The following UNC13B variants were observed in gnomAD, a reference collection of about 807,000 sequenced individuals.
UNC13B encodes protein unc-13 homolog B.
UNC13B carries 144 observed loss-of-function variants against 211.0 expected under a neutral mutation model. That is an observed-to-expected ratio of 0.68 (90% CI 0.60 to 0.78). The LOEUF (loss-of-function observed/expected upper bound fraction) is 0.78, where lower values mean the gene tolerates loss of function less well. Ranked by LOEUF, UNC13B falls within the 30% of genes least tolerant of loss-of-function variation. UNC13B has a pLI of 0.00. For missense variants in UNC13B, 1,777 were observed against 2,002.0 expected (o/e 0.89, Z 2.14); for synonymous variants, 709 against 725.8 (o/e 0.98, Z 0.37).
chr9:35,376,304 A>G (rs1834407484), intron 15 of UNC13B, 57 bp downstream of exon 15: 2 of 1,559,678 alleles, frequency 1.3e-6, no homozygotes, highest in Non-Finnish European at 1.7e-6. Flanking sequence ...TTTCCAAAAT[A>G]GTCTGCAGCA....
At chr9:35,255,195 G>T (rs1302349028) in intron 6 of UNC13B, among the ~76,000 whole-genome samples, 1 of 147,872 alleles carries the variant, frequency 6.8e-6, no homozygotes, top group Non-Finnish European at 1.5e-5. Context: ...AAAGTGCTGG[G>T]ATTACAGGCG....
At chr9:35,289,450 A>T (rs1410373049) in intron 7 of UNC13B, among the ~76,000 whole-genome samples, 2 of 152,152 alleles carry the variant, frequency 1.3e-5, no homozygotes, top group Non-Finnish European at 2.9e-5. Context: ...CTGTAAGGCA[A>T]GCAAAAACCT....
At chr9:35,390,378 C>A (rs959516250) in intron 25 of UNC13B, among the ~76,000 whole-genome samples, 3 of 152,264 alleles carry the variant, frequency 2.0e-5, no homozygotes, top group Non-Finnish European at 2.9e-5. Flanking sequence ...CTCTACCTCT[C>A]AATTCCCTGC....
At chr9:35,180,261 AT>A (rs1004948009) in intron 1 of UNC13B, among the ~76,000 whole-genome samples, 4 of 151,186 alleles carry the variant, frequency 2.6e-5, no homozygotes, top group Admixed American at 6.6e-5. Context: ...GGAGAAATTA[AT>A]TTTTTTTTCA....
intron 11 of UNC13B, among the ~76,000 whole-genome samples, chr9:35,343,962 T>C (rs767719063): frequency 2.6e-5 from 4 of 152,204 alleles, no homozygotes; most frequent in Non-Finnish European, 5.9e-5. Flanking sequence ...AGATAAAATA[T>C]ATTAAAATTA....
chr9:35,223,069 A>G (rs762849601), intron 1 of UNC13B, among the ~76,000 whole-genome samples: 14 of 152,186 alleles, frequency 9.2e-5, no homozygotes, highest in Non-Finnish European at 1.8e-4. Flanking sequence ...TTGTATATAT[A>G]TACCACATTT....
At chr9:35,250,340 T>C (rs775569564) in intron 6 of UNC13B, among the ~76,000 whole-genome samples, 109 of 152,190 alleles carry the variant, frequency 7.2e-4, no homozygotes, top group Non-Finnish European at 3.1e-4. Flanking sequence ...TTCCCTATCC[T>C]CCTCAGCCCT....
At chr9:35,358,675 A>G (rs12342455) in intron 11 of UNC13B, among the ~76,000 whole-genome samples, 11,215 of 140,920 alleles carry the variant, frequency 0.08, 1,469 homozygotes, top group African/African-American at 0.27. Flanking sequence ...TTTTACTCCT[A>G]TATTTAGGTC....
At chr9:35,403,388 A>C in intron 38 of UNC13B, 52 bp from the exon 39 acceptor site, 3 of 1,606,602 alleles carry the variant, frequency 1.9e-6, no homozygotes, top group Non-Finnish European at 2.6e-6. Context: ...CTGGGGTTCA[A>C]GAACTGGGAA....
At chr9:35,317,711 A>G (rs904600391) in intron 11 of UNC13B, among the ~76,000 whole-genome samples, 11 of 121,686 alleles carry the variant, frequency 9.0e-5, no homozygotes. Flanking sequence ...TTTTTTTTTA[A>G]TTTTTAGTAG....
intron 11 of UNC13B, chr9:35,364,406 A>T: frequency 1.2e-6 from 1 of 810,344 alleles, no homozygotes; most frequent in Non-Finnish European, 1.9e-6. Context: ...GGCTCTATGA[A>T]CTGCCTAGTT....
At chr9:35,348,421 TCTC>T (rs1832506375) in intron 11 of UNC13B, among the ~76,000 whole-genome samples, 1 of 152,222 alleles carries the variant, frequency 6.6e-6, no homozygotes. Flanking sequence ...TACTCCTCCT[TCTC>T]CTTACCTTAA....
intron 3 of UNC13B, 116 bp downstream of exon 3, chr9:35,231,335 G>A (rs10972391): frequency 0.15 from 103,746 of 692,118 alleles, 9,125 homozygotes; most frequent in Admixed American, 0.3. Flanking sequence ...AAATGTACTG[G>A]CACTGTTAAA....
chr9:35,314,632 T>G (rs2131878970), intron 11 of UNC13B, among the ~76,000 whole-genome samples: 1 of 152,132 alleles, frequency 6.6e-6, no homozygotes, highest in Non-Finnish European at 1.5e-5. Flanking sequence ...GGGCTTTGGG[T>G]GTAGCCATCA....
chr9:35,181,280 A>C (rs553642534), intron 1 of UNC13B, among the ~76,000 whole-genome samples: 40 of 152,208 alleles, frequency 2.6e-4, no homozygotes, highest in African/African-American at 9.4e-4. Flanking sequence ...TCTATGTTTC[A>C]TGATTTTAAG....
At chr9:35,187,382 C>T (rs1458633887) in intron 1 of UNC13B, among the ~76,000 whole-genome samples, 1 of 152,186 alleles carries the variant, frequency 6.6e-6, no homozygotes, top group African/African-American at 2.4e-5. Context: ...TTCAGGAGAT[C>T]ACCACTTGAT....
chr9:35,162,794 C>G (rs1472101037), intron 1 of UNC13B, among the ~76,000 whole-genome samples: 1 of 152,174 alleles, frequency 6.6e-6, no homozygotes, highest in Non-Finnish European at 1.5e-5. Flanking sequence ...TGAACACTAA[C>G]CGGTAGTATA....
intron 12 of UNC13B, 56 bp from the exon 13 acceptor site, chr9:35,370,262 C>T: frequency 3.3e-6 from 5 of 1,514,614 alleles, no homozygotes; most frequent in Middle Eastern, 3.4e-4. Flanking sequence ...ACACTGAACC[C>T]ACCAGCTAAC....
rs1231118699 is a variant in UNC13B, at chr9:35,396,589, C to A, written c.11422C>A (p.Pro3808Thr). 3.1e-6 allele frequency: 5 copies of A among 1,613,900 alleles called. No individual in the cohort carries two copies. The highest frequency in any genetic ancestry group is 4.2e-6 in the Non-Finnish European group (5 of 1,180,004). Residue 3808 changes from proline (P) to threonine (T), a missense_variant, in exon 27 of 40, where the codon CCT becomes ACT. Coordinates refer to ENST00000635942, the MANE Select transcript of UNC13B (RefSeq NM_001371189.2). ...TCTGCCTGTCCTCCAGGGGCAGGTG[C>A]CTGAGTACCCAGCGTGAGTCATCAT... ...RDLPVLQGQVPEYPAWFEQFV... is the reference protein window; with the variant it reads ...RDLPVLQGQVTEYPAWFEQFV...
Sources: gnomAD v4.1 joint callset for allele counts (sites outside exome capture counted in the v4.1 genomes callset) on GRCh38, gnomAD v4.1.1 for gene constraint, MANE v1.5 for transcripts, NCBI Gene and HGNC (gene_info 2026-07-23, HGNC 2026-07-21) for gene names.